The following RORA variants were observed in gnomAD, a reference collection of about 807,000 sequenced individuals.
RORA encodes the protein RAR related orphan receptor A.
RORA carries 7 observed loss-of-function variants against 69.5 expected under a neutral mutation model. The ratio of observed to expected loss-of-function variants is 0.10; its 90% CI spans 0.06 to 0.19. RORA has a LOEUF of 0.19. Ranked by LOEUF, RORA falls within the 10% of genes least tolerant of loss-of-function variation. RORA has a pLI of 1.00. For missense variants in RORA, 457 were observed against 663.0 expected, an observed-to-expected ratio of 0.69 and a Z score of 3.41; for synonymous variants, 261 against 240.8, an observed-to-expected ratio of 1.08 and a Z score of -0.78.
chr15:61,199,229 G>A (rs145762517), intron 1 of RORA, among the ~76,000 whole-genome samples: 7 of 151,828 alleles, frequency 4.6e-5, no homozygotes, highest in Admixed American at 2.0e-4. Flanking sequence ...CTCTGCTCTC[G>A]GGAGCAGTGC....
In RORA at chr15:60,688,127, G is replaced by A. The variant is rs184968085; in HGVS notation, c.167-9441C>T. 2.6e-5 allele frequency among the ~76,000 whole-genome samples: 4 copies of A among 152,170 alleles called. No homozygotes were observed. The East Asian group carries it at 7.7e-4, about 29-fold the overall frequency. On this transcript the variant is annotated intron_variant, in intron 1 of 10. Transcript: ENST00000335670. ...GAGGATGGCAAATAAAGCATGATAT[G>A]TTTACCAAATGGAAGGCGCTACCAT... is the stretch of plus-strand genomic sequence containing the variant.
intron 1 of RORA, among the ~76,000 whole-genome samples, chr15:60,908,482 C>A (rs970775484): frequency 4.6e-5 from 7 of 152,104 alleles, no homozygotes; most frequent in Non-Finnish European, 1.0e-4. Context: ...ATTTTCAAAT[C>A]TGTAGAAAAT....
chr15:61,218,345 G>A (rs912173792), intron 1 of RORA, among the ~76,000 whole-genome samples: 13 of 151,988 alleles, frequency 8.6e-5, no homozygotes, highest in South Asian at 4.1e-4. Flanking sequence ...TTGTTTTACC[G>A]GCTAAATGTG....
intron 1 of RORA, among the ~76,000 whole-genome samples, chr15:61,176,826 G>A (rs1387542143): frequency 6.6e-6 from 1 of 152,122 alleles, no homozygotes; most frequent in Admixed American, 6.5e-5. Flanking sequence ...TATTATTATT[G>A]TTGTTAAAAT....
At chr15:60,732,028 C>A (rs895426462) in intron 1 of RORA, among the ~76,000 whole-genome samples, 5 of 152,114 alleles carry the variant, frequency 3.3e-5, no homozygotes, top group African/African-American at 9.7e-5. Context: ...CTCTTAGAGG[C>A]TGAGTTGAAT....
At chr15:61,183,117 T>C (rs12324625) in intron 1 of RORA, 67,220 of 151,998 alleles carry the variant, frequency 0.44, 17,071 homozygotes, top group Non-Finnish European at 0.57. Flanking sequence ...AATACTAAGT[T>C]TTTAATTGAT....
intron 3 of RORA, among the ~76,000 whole-genome samples, chr15:60,522,770 TA>T (rs34289911): frequency 0.5 from 62,245 of 124,170 alleles, 17,544 homozygotes; most frequent in East Asian, 0.8. Flanking sequence ...CCCTGTGTCT[TA>T]AAAAAAAAAA....
chr15:61,033,875 C>A (rs1896314657), intron 1 of RORA, among the ~76,000 whole-genome samples: 1 of 148,966 alleles, frequency 6.7e-6, no homozygotes, highest in Non-Finnish European at 1.5e-5. Context: ...TTGAGACCAG[C>A]TGGGCAACAT....
At chr15:61,218,805 A>G (rs1191637464) in intron 1 of RORA, among the ~76,000 whole-genome samples, 3 of 152,114 alleles carry the variant, frequency 2.0e-5, no homozygotes, top group African/African-American at 7.2e-5. Context: ...TTTTCTTGAT[A>G]AGAAATACTT....
At chr15:60,542,533 T>TCA (rs147551165) in intron 2 of RORA, among the ~76,000 whole-genome samples, 134,531 of 135,162 alleles carry the variant, frequency 1, 66,951 homozygotes, top group East Asian at 1. Flanking sequence ...CATGCACACC[T>TCA]CACACAGATG....
At chr15:60,683,597 G>T (rs1403567801) in intron 1 of RORA, among the ~76,000 whole-genome samples, 1 of 150,968 alleles carries the variant, frequency 6.6e-6, no homozygotes, top group Non-Finnish European at 1.5e-5. Context: ...GAGAAAAATG[G>T]CACCTTTTGA....
At chr15:60,508,587 CTG>C (rs2065590598) in intron 5 of RORA, among the ~76,000 whole-genome samples, 1 of 152,190 alleles carries the variant, frequency 6.6e-6, no homozygotes, top group Non-Finnish European at 1.5e-5. Flanking sequence ...GAGGAGGAAA[CTG>C]AACCACAGTG....
chr15:61,117,052 C>T (rs1390842548), intron 1 of RORA, among the ~76,000 whole-genome samples: 1 of 152,154 alleles, frequency 6.6e-6, no homozygotes, highest in African/African-American at 2.4e-5. Context: ...CTTTCAATCC[C>T]AGTCCAAGAG....
intron 1 of RORA, among the ~76,000 whole-genome samples, chr15:60,716,693 T>C (rs1267113447): frequency 6.6e-6 from 1 of 152,078 alleles, no homozygotes; most frequent in Non-Finnish European, 1.5e-5. Context: ...ACCTTTCTGA[T>C]TGTAGGTTTT....
At chr15:60,928,566 A>G (rs1222848456) in intron 1 of RORA, among the ~76,000 whole-genome samples, 1 of 152,176 alleles carries the variant, frequency 6.6e-6, no homozygotes, top group Non-Finnish European at 1.5e-5. Flanking sequence ...AACTAATACA[A>G]TGGGCAGTGA....
At chr15:60,663,909 G>A (rs2070343212) in intron 2 of RORA, among the ~76,000 whole-genome samples, 2 of 152,170 alleles carry the variant, frequency 1.3e-5, no homozygotes, top group South Asian at 2.1e-4. Flanking sequence ...ATTCTTGTAA[G>A]TAAGACTCTG....
chr15:60,896,766 G>A (rs551241901), intron 1 of RORA, among the ~76,000 whole-genome samples: 1 of 143,062 alleles, frequency 7.0e-6, no homozygotes, highest in African/African-American at 2.6e-5. Context: ...GCATAGCCAA[G>A]GGAATTTAGG....
intron 1 of RORA, among the ~76,000 whole-genome samples, chr15:60,804,930 G>A (rs1048012273): frequency 6.6e-6 from 1 of 152,164 alleles, no homozygotes; most frequent in African/African-American, 2.4e-5. Context: ...CTTTTGTAAT[G>A]CAGTCATTGA....
In RORA at chr15:60,524,628, T is replaced by C. The variant is rs1421079955; in HGVS notation, c.282+7138A>G. 3.3e-5 allele frequency among the ~76,000 whole-genome samples: 5 copies of C among 152,236 alleles called. No homozygotes were observed. The South Asian group carries it at 8.3e-4, about 25-fold the overall frequency. ...TCCTAGCCCTTACCTTGTTGTATTATTAATGTCTACCTTTTCCAGGGCCTG... is the reference window on the plus strand; with the variant it reads ...TCCTAGCCCTTACCTTGTTGTATTACTAATGTCTACCTTTTCCAGGGCCTG... On this transcript the variant is annotated intron_variant, in intron 3 of 10. Transcript: ENST00000335670.
Sources: allele counts gnomAD v4.1 joint callset (sites outside exome capture counted in the v4.1 genomes callset), GRCh38; gene constraint gnomAD v4.1.1; transcripts MANE v1.5; gene names NCBI Gene and HGNC (gene_info 2026-07-23, HGNC 2026-07-21).